Variants in CCDC39 observed in about 807,000 individuals in gnomAD.
CCDC39 encodes coiled-coil domain 39 molecular ruler complex subunit.
CCDC39 carries 113 observed loss-of-function variants against 121.0 expected under a neutral mutation model. That is an observed-to-expected ratio of 0.93 (90% confidence interval 0.80 to 1.09). CCDC39 has a LOEUF of 1.09. Ranked by LOEUF, CCDC39 falls within the 50% of genes least tolerant of loss-of-function variation. The pLI is 0.00. For synonymous variants in CCDC39, 349 were observed against 352.2 expected, an observed-to-expected ratio of 0.99 and a Z score of 0.10; for missense variants, 1,063 against 1,074.7, an observed-to-expected ratio of 0.99 and a Z score of 0.15.
chr3:180,675,058 C>A (rs1408850451), intron 1 of CCDC39, among the ~76,000 whole-genome samples: 1 of 152,178 alleles, frequency 6.6e-6, no homozygotes, highest in Non-Finnish European at 1.5e-5. Context: ...AGGAATGGTA[C>A]CAGCTCCTCC....
chr3:180,629,218 G>A (rs1392709587), intron 14 of CCDC39, among the ~76,000 whole-genome samples: 2 of 152,162 alleles, frequency 1.3e-5, no homozygotes, highest in African/African-American at 4.8e-5. Context: ...TTATATTATA[G>A]ACATGTTGAA....
chr3:180,659,703 C>T lies in CCDC39; in HGVS notation c.583G>A (p.Glu195Lys), dbSNP rs755372916. Reference protein sequence around the residue: ...CNQKRKILDNELTETISAQLE... With the variant: ...CNQKRKILDNKLTETISAQLE... ...TGTGCGCTTATAGTCTCTGTAAGTT[C>T]GTTGTCAAGTATCTTTCTTTTCTGA... is the stretch of plus-strand genomic sequence containing the variant. The change falls in exon 5 of 20, where the codon GAA becomes AAA. Residue 195 changes from glutamate to lysine, a missense_variant. Physicochemically the swap from Glu to Lys is moderately conservative, Grantham distance 56. Coordinates refer to ENST00000476379, the MANE Select transcript of CCDC39 (RefSeq NM_181426.2). 4.3e-6 allele frequency: 7 copies of T among 1,612,014 alleles called. No individual in the cohort carries two copies. Among genetic ancestry groups the T allele is most frequent in the Non-Finnish European group, 5.9e-6 (7 of 1,179,228 alleles).
At chr3:180,673,785 A>G (rs1322947398) in intron 1 of CCDC39, among the ~76,000 whole-genome samples, 1 of 152,112 alleles carries the variant, frequency 6.6e-6, no homozygotes, top group African/African-American at 2.4e-5. Flanking sequence ...ATCTGTACAT[A>G]TTGGAAAATA....
In CCDC39 at chr3:180,634,656, G is replaced by A. The variant is rs547406509; in HGVS notation, c.1875-3064C>T. Among the ~76,000 whole-genome samples the A allele has an allele frequency of 1.3e-4, 20 of 152,282 alleles. No individual in the cohort carries two copies. The South Asian group carries it at 4.1e-3, about 32-fold the overall frequency. ...CGTGATCTACAGCCAGCACTCAGGT[G>A]AGAGAGCAGCCCCCACTTACAGAGC... is the stretch of plus-strand genomic sequence containing the variant. On this transcript the variant is annotated intron_variant, in intron 13 of 19. Transcript: ENST00000476379.
At chr3:180,647,278 GAAAA>G in intron 10 of CCDC39, 35 bp from the exon 11 acceptor site, 5 of 1,437,856 alleles carry the variant, frequency 3.5e-6, no homozygotes, top group Non-Finnish European at 4.6e-6. Context: ...GTATTACAAA[GAAAA>G]AAAAAGCATT....
rs187269837 is a variant in CCDC39 at position 180,614,079 on chromosome 3, T to C, written c.*842A>G. 63 of 241,714 alleles carry C rather than the reference T, an allele frequency of 2.6e-4. 1 individual carries two copies. The East Asian group carries it at 6.3e-3, about 24-fold the overall frequency. 15.0% of individuals were successfully genotyped at this position (241,714 alleles called of 1,614,324 possible). On this transcript the variant is annotated 3_prime_UTR_variant, in exon 20 of 20. Coordinates refer to ENST00000476379, the MANE Select transcript of CCDC39 (RefSeq NM_181426.2). ...ACTCTATTCCAAGAGTACAAAGTGT[T>C]GGGCACATGTTATAATGAAGTGTTA...
intron 3 of CCDC39, 112 bp downstream of exon 3, chr3:180,661,749 C>G: frequency 1.1e-6 from 1 of 896,236 alleles, no homozygotes; most frequent in Non-Finnish European, 1.7e-6. Context: ...TAAGTAAACA[C>G]TAGGAAACTA....
chr3:180,653,998 G>A (rs1478428848), intron 7 of CCDC39, among the ~76,000 whole-genome samples: 1 of 148,404 alleles, frequency 6.7e-6, no homozygotes, highest in Non-Finnish European at 1.5e-5. Flanking sequence ...TTTATCAATT[G>A]TTGGTTGAAT....
At chr3:180,647,867 A>G (rs574964303) in intron 10 of CCDC39, among the ~76,000 whole-genome samples, 8 of 152,042 alleles carry the variant, frequency 5.3e-5, no homozygotes, top group Non-Finnish European at 7.4e-5. Flanking sequence ...TCGGTTTCAG[A>G]TATCTCGTGC....
intron 16 of CCDC39, chr3:180,617,835 G>A (rs1476977866): frequency 1.0e-5 from 2 of 192,342 alleles, no homozygotes; most frequent in African/African-American, 2.3e-5. Flanking sequence ...CTGTAGCCTA[G>A]GTGTACATTA....
chr3:180,620,018 GAAGAA>G (rs752965627), intron 14 of CCDC39, 48 bp from the exon 15 acceptor site: 1 of 1,423,420 alleles, frequency 7.0e-7, no homozygotes, highest in East Asian at 2.5e-5. Context: ...TTTACTATGG[GAAGAA>G]ATGCCTAATG....
At chr3:180,657,967 C>T (rs1711624538) in intron 6 of CCDC39, among the ~76,000 whole-genome samples, 1 of 152,144 alleles carries the variant, frequency 6.6e-6, no homozygotes, top group Non-Finnish European at 1.5e-5. Flanking sequence ...AGGCCAGGTG[C>T]GGTGGCTCAC....
intron 8 of CCDC39, among the ~76,000 whole-genome samples, chr3:180,651,954 G>A (rs1348445012): frequency 2.0e-5 from 3 of 151,826 alleles, no homozygotes; most frequent in Admixed American, 6.6e-5. Flanking sequence ...GGAAAATGGT[G>A]TGAACCCAGG....
At chr3:180,639,342 A>C (rs1717901446) in intron 13 of CCDC39, among the ~76,000 whole-genome samples, 1 of 152,112 alleles carries the variant, frequency 6.6e-6, no homozygotes, top group Non-Finnish European at 1.5e-5. Flanking sequence ...GAGTTGAGTG[A>C]GTTGAGTTAT....
At chr3:180,678,911 T>C (rs1712311215) in intron 1 of CCDC39, among the ~76,000 whole-genome samples, 1 of 152,108 alleles carries the variant, frequency 6.6e-6, no homozygotes, top group Non-Finnish European at 1.5e-5. Flanking sequence ...CAAATAACCG[T>C]TGCTATGCAA....
At chr3:180,650,481 T>C (rs189567540) in intron 9 of CCDC39, among the ~76,000 whole-genome samples, 3 of 152,158 alleles carry the variant, frequency 2.0e-5, no homozygotes, top group African/African-American at 4.8e-5. Flanking sequence ...AATATACAAA[T>C]AGATATATGG....
At position 180,663,850 on chromosome 3, in the gene CCDC39, A is replaced by G. The variant is rs750145242; in HGVS notation, c.210+17T>C. On this transcript the variant is annotated intron_variant, in intron 2 of 19. Coordinates refer to ENST00000476379, the MANE Select transcript of CCDC39 (RefSeq NM_181426.2). ...ATGACTACACGATATAATCAACATA[A>G]ATTTCAGTTACTGTACCTGTGTAAT... 15 of 1,610,110 alleles carry G rather than the reference A, an allele frequency of 9.3e-6. No individual in the cohort carries two copies. Among genetic ancestry groups the G allele is most frequent in the Non-Finnish European group, 1.1e-5 (13 of 1,178,414 alleles).
At position 180,614,083 on chromosome 3, in the gene CCDC39, C is replaced by T. The variant is rs1717124359; in HGVS notation, c.*838G>A. On this transcript the variant is annotated 3_prime_UTR_variant, in exon 20 of 20. Coordinates refer to ENST00000476379, the MANE Select transcript of CCDC39 (RefSeq NM_181426.2). ...TATTCCAAGAGTACAAAGTGTTGGG[C>T]ACATGTTATAATGAAGTGTTAACTG... 4.3e-6 allele frequency: 1 copy of T among 233,412 alleles called. No homozygotes were observed. The highest frequency in any genetic ancestry group is 5.3e-5 in the Admixed American group (1 of 18,950). The allele number at this position is 233,412 out of a possible 1,614,324, so 14.5% of individuals were successfully genotyped here. A position where few individuals can be genotyped will look rare whatever the true frequency, so the allele number is the denominator to read the frequency against.
rs1718020685 is a variant in CCDC39, at chr3:180,644,175, T to C, written c.1610A>G (p.Asn537Ser). ...QSLMTKINEL[N>S]LFIDRSEKEL... ...TTTCTCTGATCTGTCGATGAAAAGG[T>C]TTAGTTCATTTATTTTGGTCATAAG... is the stretch of plus-strand genomic sequence containing the variant. Residue 537 changes from asparagine to serine, a missense_variant, in exon 12 of 20, where the codon AAC (asparagine) becomes AGC (serine). Physicochemically the swap from Asn to Ser is conservative, Grantham distance 46 (BLOSUM62 1). Transcript: ENST00000476379. The C allele has an allele frequency of 1.3e-6, 2 of 1,545,314 alleles. No homozygotes were observed. Among genetic ancestry groups the C allele is most frequent in the Non-Finnish European group, 1.7e-6 (2 of 1,144,220 alleles).
Sources: allele counts gnomAD v4.1 joint callset (sites outside exome capture counted in the v4.1 genomes callset), GRCh38; gene constraint gnomAD v4.1.1; transcripts MANE v1.5; gene names NCBI Gene and HGNC (gene_info 2026-07-23, HGNC 2026-07-21).